The following ARNT2 variants were observed in gnomAD, a reference collection of about 807,000 sequenced individuals.
ARNT2 encodes the protein aryl hydrocarbon receptor nuclear translocator 2.
ARNT2 carries 36 observed loss-of-function variants against 91.7 expected under a neutral mutation model. The ratio of observed to expected loss-of-function variants is 0.39; its 90% CI spans 0.30 to 0.52. The LOEUF is 0.52. Among genes scored for constraint, ARNT2 ranks in the 20% least tolerant of loss-of-function variants. The pLI is 0.72. For missense variants in ARNT2, 775 were observed against 939.3 expected (o/e 0.83, Z 2.29); for synonymous variants, 365 against 347.1 (o/e 1.05, Z -0.57).
At chr15:80,486,783 T>C (rs1896981537) in intron 5 of ARNT2, among the ~76,000 whole-genome samples, 1 of 152,222 alleles carries the variant, frequency 6.6e-6, no homozygotes, top group South Asian at 2.1e-4. Context: ...TAATCACCTA[T>C]GCAGTGAGTC....
chr15:80,530,737 G>A (rs1304291852), intron 8 of ARNT2, among the ~76,000 whole-genome samples: 1 of 152,106 alleles, frequency 6.6e-6, no homozygotes, highest in Non-Finnish European at 1.5e-5. Context: ...TTGCAAAGTG[G>A]GGGATCCATT....
intron 1 of ARNT2, chr15:80,441,248 C>A (rs1348730166): frequency 8.1e-6 from 8 of 985,238 alleles, no homozygotes; most frequent in Non-Finnish European, 9.6e-6. Flanking sequence ...ATGACATTTT[C>A]TCAGCAGAAT....
intron 11 of ARNT2, among the ~76,000 whole-genome samples, chr15:80,561,448 C>A (rs1198718456): frequency 6.6e-6 from 1 of 152,190 alleles, no homozygotes; most frequent in Non-Finnish European, 1.5e-5. Context: ...ACCATGAGAA[C>A]CACACCCGAA....
In ARNT2 at chr15:80,508,235, G is replaced by A. The variant is rs749987432; in HGVS notation, c.702G>A (p.Arg234=). 2.5e-6 allele frequency: 4 copies of A among 1,614,122 alleles called. No individual in the cohort carries two copies. Among genetic ancestry groups the A allele is most frequent in the Non-Finnish European group, 3.4e-6 (4 of 1,179,978 alleles). Residue 234 remains arginine, a synonymous_variant, in exon 6 of 19, where the codon CGG becomes CGA. Coordinates refer to ENST00000303329, the MANE Select transcript of ARNT2 (RefSeq NM_014862.4). ...CCATGAGGATGTGCATGGGCTCGCG[G>A]CGGTCTTTCATCTGCAGGATGAGGT... ...QSSMRMCMGS[R]RSFICRMRCG...
intron 5 of ARNT2, among the ~76,000 whole-genome samples, chr15:80,478,981 C>T (rs573757175): frequency 1.1e-4 from 17 of 152,272 alleles, no homozygotes; most frequent in Non-Finnish European, 1.3e-4. Context: ...GGTGTTGAGG[C>T]GAGGCAGGGA....
At chr15:80,496,453 T>C (rs925135330) in intron 5 of ARNT2, among the ~76,000 whole-genome samples, 1 of 152,230 alleles carries the variant, frequency 6.6e-6, no homozygotes, top group African/African-American at 2.4e-5. Context: ...TGTCCTTTCT[T>C]AAAAACCTTT....
chr15:80,477,808 C>G (rs1896828793), intron 5 of ARNT2, among the ~76,000 whole-genome samples: 1 of 152,164 alleles, frequency 6.6e-6, no homozygotes. Flanking sequence ...GCGGGGAACA[C>G]AATTCCACCT....
intron 5 of ARNT2, among the ~76,000 whole-genome samples, chr15:80,506,167 A>G: frequency 6.6e-6 from 1 of 151,674 alleles, no homozygotes; most frequent in African/African-American, 2.4e-5. Flanking sequence ...CGATCTCCTG[A>G]CCTCATGATC....
At chr15:80,495,459 C>T (rs933489099) in intron 5 of ARNT2, among the ~76,000 whole-genome samples, 1 of 152,152 alleles carries the variant, frequency 6.6e-6, no homozygotes, top group East Asian at 1.9e-4. Context: ...TATTGATATT[C>T]GTATATTTAA....
intron 8 of ARNT2, among the ~76,000 whole-genome samples, chr15:80,541,909 A>T: frequency 6.6e-6 from 1 of 151,728 alleles, no homozygotes; most frequent in East Asian, 1.9e-4. Context: ...ATCCATCAAG[A>T]CCCTGGTCAC....
chr15:80,575,054 T>C lies in ARNT2; in HGVS notation c.1457T>C (p.Ile486Thr). 6.2e-7 allele frequency: 1 copy of C among 1,614,186 alleles called. No individual in the cohort carries two copies. The change falls in exon 14 of 19, where the codon ATC becomes ACC. Residue 486 changes from isoleucine to threonine, a missense_variant. This residue lies in a region of ARNT2 where 325 missense variants were observed against 359.9 expected (regional missense o/e 0.90). Coordinates refer to ENST00000303329, the MANE Select transcript of ARNT2 (RefSeq NM_014862.4). ...AGKSVEKADAIFSQERDPRFA... is the reference protein window; with the variant it reads ...AGKSVEKADATFSQERDPRFA... ...AAGTCCGTGGAAAAGGCGGATGCAA[T>C]CTTCTCCCAGGAAAGAGATCCTCGG...
chr15:80,529,320 A>C (rs1356545326), intron 8 of ARNT2, among the ~76,000 whole-genome samples: 1 of 152,158 alleles, frequency 6.6e-6, no homozygotes, highest in Non-Finnish European at 1.5e-5. Context: ...AAGTGGTATC[A>C]CTTCACTCTG....
intron 15 of ARNT2, among the ~76,000 whole-genome samples, chr15:80,577,266 G>A (rs537254251): frequency 6.6e-6 from 1 of 152,358 alleles, no homozygotes; most frequent in South Asian, 2.1e-4. Flanking sequence ...ACCCAAGTGA[G>A]CTGGAGCTGG....
intron 1 of ARNT2, among the ~76,000 whole-genome samples, chr15:80,408,303 G>A (rs1297888194): frequency 7.2e-5 from 11 of 152,170 alleles, no homozygotes; most frequent in Non-Finnish European, 2.9e-5. Context: ...AGTCTACTAG[G>A]GGAGGCATAG....
intron 1 of ARNT2, among the ~76,000 whole-genome samples, chr15:80,444,101 T>C (rs1485052580): frequency 6.6e-6 from 1 of 152,188 alleles, no homozygotes; most frequent in Non-Finnish European, 1.5e-5. Context: ...GGTCCTGTTC[T>C]TCACGCCCAT....
chr15:80,454,168 C>T (rs532113451), intron 2 of ARNT2, among the ~76,000 whole-genome samples: 13 of 152,040 alleles, frequency 8.6e-5, no homozygotes, highest in South Asian at 8.3e-4. Flanking sequence ...ATTCCACATG[C>T]GTGGGAGAAA....
chr15:80,459,440 C>T (rs1220754070), intron 3 of ARNT2, among the ~76,000 whole-genome samples: 1 of 152,200 alleles, frequency 6.6e-6, no homozygotes, highest in Non-Finnish European at 1.5e-5. Flanking sequence ...TCTCGCTGTA[C>T]ACAGCCTCCC....
rs1386857022 is a variant in ARNT2, at chr15:80,433,263, TTTTA to T, written c.32-17613_32-17610del. On this transcript the variant is annotated intron_variant, in intron 1 of 18. Transcript: ENST00000303329. ...TTTTATTTTATTTTATTTTATTTTA[TTTTA>T]TTTTATTTTATTTTATTTTATTTTA... is the stretch of plus-strand genomic sequence containing the variant. Among the ~76,000 whole-genome samples, 222 of 48,842 alleles carry T rather than the reference TTTTA, an allele frequency of 4.5e-3. 2 individuals are homozygous for T. Among genetic ancestry groups the T allele is most frequent in the East Asian group, 0.036 (35 of 964 alleles). 32.0% of individuals were successfully genotyped at this position (48,842 alleles called of 152,430 possible). A position where few individuals can be genotyped will look rare whatever the true frequency, so the allele number is the denominator to read the frequency against.
chr15:80,447,350 T>G (rs899674415), intron 1 of ARNT2, among the ~76,000 whole-genome samples: 1 of 152,202 alleles, frequency 6.6e-6, no homozygotes, highest in Non-Finnish European at 1.5e-5. Flanking sequence ...CTGCAGGGTA[T>G]GGTGGTGGCT....
Sources: allele counts gnomAD v4.1 joint callset (sites outside exome capture counted in the v4.1 genomes callset), GRCh38; gene constraint gnomAD v4.1.1; regional missense constraint gnomAD v4.1.1; transcripts MANE v1.5; gene names NCBI Gene and HGNC (gene_info 2026-07-23, HGNC 2026-07-21).